GPR89B: variants seen among roughly 807,000 people sequenced by gnomAD.
The protein encoded by GPR89B is G protein-coupled receptor 89B.
GPR89B carries 25 observed loss-of-function variants against 52.4 expected under a neutral mutation model. The observed-to-expected ratio is 0.48, with a 90% confidence interval of 0.35 to 0.67. The LOEUF (loss-of-function observed/expected upper bound fraction) is 0.67, where lower values mean the gene tolerates loss of function less well. Ranked by LOEUF, GPR89B falls within the 30% of genes least tolerant of loss-of-function variation. The pLI is 0.01. For synonymous variants in GPR89B, 52 were observed against 151.2 expected (o/e 0.34, Z 4.81); for missense variants, 146 against 450.2 (o/e 0.32, Z 6.11).
intron 12 of GPR89B, among the ~76,000 whole-genome samples, chr1:147,989,680 T>C (rs1319463619): frequency 6.6e-6 from 1 of 151,686 alleles, no homozygotes; most frequent in Non-Finnish European, 1.5e-5. Flanking sequence ...GAATATGCAG[T>C]GTTTGGCTTT....
the GPR89B span, among the ~76,000 whole-genome samples, chr1:148,007,577 C>CTGT: frequency 6.9e-6 from 1 of 145,672 alleles, no homozygotes; most frequent in Non-Finnish European, 1.5e-5. Context: ...TTGTTGTTAA[C>CTGT]TACAGTCACC....
chr1:147,985,345 C>G (rs1292075451), intron 10 of GPR89B, among the ~76,000 whole-genome samples: 1 of 151,806 alleles, frequency 6.6e-6, no homozygotes, highest in Non-Finnish European at 1.5e-5. Flanking sequence ...CTATTTGTAT[C>G]TTTATATTTA....
the GPR89B span, among the ~76,000 whole-genome samples, chr1:148,025,054 T>C: frequency 1.3e-5 from 2 of 151,924 alleles, no homozygotes; most frequent in African/African-American, 4.9e-5. Context: ...GACACCATCC[T>C]TTTCACCCCC....
the GPR89B span, among the ~76,000 whole-genome samples, chr1:147,998,678 G>A: frequency 7.9e-5 from 12 of 150,998 alleles, no homozygotes; most frequent in South Asian, 2.1e-4. Flanking sequence ...TCAGGAGTTC[G>A]AGACCAGCCT....
chr1:147,973,617 T>C (rs1193926412), intron 10 of GPR89B, among the ~76,000 whole-genome samples: 1 of 151,766 alleles, frequency 6.6e-6, no homozygotes, highest in East Asian at 1.9e-4. Context: ...ATTCTGTTGG[T>C]TGTCTGTTCA....
chr1:147,959,682 T>C (rs1656392289), intron 7 of GPR89B, among the ~76,000 whole-genome samples: 1 of 152,100 alleles, frequency 6.6e-6, no homozygotes, highest in South Asian at 2.1e-4. Context: ...GTATAAACCC[T>C]TCCCAAATCT....
chr1:147,931,939 T>C (rs1466619384), intron 1 of GPR89B, among the ~76,000 whole-genome samples: 5 of 152,202 alleles, frequency 3.3e-5, no homozygotes, highest in Non-Finnish European at 7.3e-5. Flanking sequence ...CTTTTTAAGC[T>C]TTCTTTGTCA....
Position 147,992,560 on chromosome 1 carries a change from A to G in GPR89B, c.1154A>G (p.Gln385Arg). ...SSNVIVLLLAQIMGMYFVSSV... is the reference protein window; with the variant it reads ...SSNVIVLLLARIMGMYFVSSV... The stretch of plus-strand genomic sequence containing the variant: ...AATGTCATTGTCCTGCTATTAGCAC[A>G]GATAATGGTAAGTTTAATTAGTTAC... The change falls in exon 13 of 14, where the codon CAG becomes CGG. Residue 385 changes from glutamine (Q) to arginine (R), a missense_variant. By Grantham distance (43) the Gln-to-Arg change is conservative (BLOSUM62 1). Transcript: ENST00000314163. 6.2e-7 allele frequency: 1 copy of G among 1,611,704 alleles called. No homozygotes were observed. Among genetic ancestry groups the G allele is most frequent in the Admixed American group, 1.7e-5 (1 of 60,002 alleles).
chr1:147,950,785 CA>C (rs1166832456), intron 5 of GPR89B, among the ~76,000 whole-genome samples: 2 of 152,218 alleles, frequency 1.3e-5, no homozygotes, highest in Non-Finnish European at 1.5e-5. Context: ...ATACGAAAAC[CA>C]GTCAGGCGTG....
chr1:147,951,765 A>G (rs1409071128), intron 5 of GPR89B, among the ~76,000 whole-genome samples: 3 of 151,826 alleles, frequency 2.0e-5, no homozygotes, highest in Admixed American at 2.0e-4. Context: ...AACAAATAGC[A>G]CCAAGATTAT....
At chr1:147,950,379 G>A (rs1553250820) in intron 5 of GPR89B, among the ~76,000 whole-genome samples, 1 of 150,948 alleles carries the variant, frequency 6.6e-6, no homozygotes. Context: ...ATGGGATGGC[G>A]GCCGGGAAGA....
At chr1:147,998,325 A>T (rs1399199332), downstream of GPR89B, among the ~76,000 whole-genome samples, 2 of 143,746 alleles carry the variant, frequency 1.4e-5, no homozygotes, top group East Asian at 4.0e-4. Flanking sequence ...CTTACTAACC[A>T]CAAGACCACA....
the GPR89B span, chr1:148,005,424 T>G: frequency 6.9e-6 from 11 of 1,595,630 alleles, no homozygotes; most frequent in South Asian, 1.2e-4. Flanking sequence ...CTCCATTCAC[T>G]TCAATCAAGT....
chr1:147,994,982 A>G (rs1358581740), downstream of GPR89B, among the ~76,000 whole-genome samples: 3 of 152,212 alleles, frequency 2.0e-5, no homozygotes, highest in African/African-American at 7.2e-5. Flanking sequence ...TTGGGCAAAA[A>G]TATAAAACTG....
chr1:147,978,146 G>A lies in GPR89B; in HGVS notation c.910-8053G>A, dbSNP rs1222089925. 4.0e-3 allele frequency among the ~76,000 whole-genome samples: 606 copies of A among 151,594 alleles called. 14 individuals carry two copies. Among genetic ancestry groups the A allele is most frequent in the African/African-American group, 0.014 (584 of 41,084 alleles). On this transcript the variant is annotated intron_variant, in intron 10 of 13. Coordinates refer to ENST00000314163, the MANE Select transcript of GPR89B (RefSeq NM_016334.5). ...CTCAGTTTATCTACCTTCGATTTTTGAGGCTGCTGACCTTTGGATGGGGTT... is the reference window on the plus strand; with the variant it reads ...CTCAGTTTATCTACCTTCGATTTTTAAGGCTGCTGACCTTTGGATGGGGTT...
intron 1 of GPR89B, among the ~76,000 whole-genome samples, chr1:147,930,504 C>T (rs1571210533): frequency 6.6e-6 from 1 of 152,250 alleles, no homozygotes; most frequent in African/African-American, 2.4e-5. Flanking sequence ...TCACCAGCAT[C>T]TAGATCAGTT....
intron 1 of GPR89B, among the ~76,000 whole-genome samples, chr1:147,934,644 C>A (rs1653930372): frequency 6.6e-6 from 1 of 152,188 alleles, no homozygotes; most frequent in South Asian, 2.1e-4. Context: ...CGGGCATTAT[C>A]TTCTCCAGAA....
chr1:148,014,429 C>G, the GPR89B span: 9 of 151,314 alleles, frequency 5.9e-5, no homozygotes, highest in Non-Finnish European at 8.8e-5. Flanking sequence ...AGTGAGTGCG[C>G]GAACCCAGCC....
In GPR89B at chr1:147,992,498, A is replaced by G; in HGVS notation, c.1096-4A>G. On this transcript the variant is annotated splice_region_variant and splice_polypyrimidine_tract_variant and intron_variant, in intron 12 of 13. Coordinates refer to ENST00000314163, the MANE Select transcript of GPR89B (RefSeq NM_016334.5). ...CATAAATTTATCTCCCTCTTTCTTG[A>G]CAGTTCTTTTATGCCATCTCTAGCA... is the stretch of plus-strand genomic sequence containing the variant. The G allele has an allele frequency of 1.2e-6, 2 of 1,611,412 alleles. No homozygotes were observed. The highest frequency in any genetic ancestry group is 1.7e-6 in the Non-Finnish European group (2 of 1,179,538).
Sources: allele counts gnomAD v4.1 joint callset (sites outside exome capture counted in the v4.1 genomes callset), GRCh38; gene constraint gnomAD v4.1.1; transcripts MANE v1.5; gene names NCBI Gene and HGNC (gene_info 2026-07-23, HGNC 2026-07-21).